ATP11C: variants seen among roughly 807,000 people sequenced by gnomAD.
The protein encoded by ATP11C is phospholipid-transporting ATPase IG.
In ATP11C, 36 loss-of-function variants were observed where a neutral mutation model predicts 97.4. The observed-to-expected ratio is 0.37, with a 90% CI of 0.28 to 0.49. ATP11C has a LOEUF of 0.49. Ranked by LOEUF, ATP11C falls within the 20% of genes least tolerant of loss-of-function variation. The probability of loss-of-function intolerance (pLI) is 0.98; values close to 1 mark genes in which losing one functional copy is unlikely to be tolerated. For missense variants in ATP11C, 730 were observed against 824.6 expected, an observed-to-expected ratio of 0.89 and a Z score of 1.40; for synonymous variants, 275 against 290.9, an observed-to-expected ratio of 0.95 and a Z score of 0.56.
intron 7 of ATP11C, 85 bp from the exon 8 acceptor site, chrX:139,800,195 AAAT>A: frequency 1.4e-6 from 1 of 692,110 alleles, no homozygotes; most frequent in Non-Finnish European, 2.3e-6. Flanking sequence ...ATGAAAATAC[AAAT>A]AATAAAACAG....
chrX:139,892,736 C>T (rs898250232), intron 1 of ATP11C, among the ~76,000 whole-genome samples: 5 of 111,641 alleles, frequency 4.5e-5, no homozygotes, highest in African/African-American at 1.6e-4. Context: ...ATGATACTAG[C>T]AAACATGCTG....
intron 1 of ATP11C, among the ~76,000 whole-genome samples, chrX:139,831,111 C>G (rs2083639285): frequency 9.0e-6 from 1 of 111,695 alleles, no homozygotes; most frequent in Non-Finnish European, 1.9e-5. Flanking sequence ...TAAAATTGCA[C>G]TTTTCAGATT....
intron 18 of ATP11C, among the ~76,000 whole-genome samples, chrX:139,781,608 C>G (rs2082459394): frequency 9.0e-6 from 1 of 111,289 alleles, no homozygotes; most frequent in African/African-American, 3.3e-5. Flanking sequence ...AGCTAGCTAC[C>G]CCGGTGGCTG....
At chrX:139,742,493 A>T (rs1202999906) in intron 26 of ATP11C, among the ~76,000 whole-genome samples, 1 of 111,848 alleles carries the variant, frequency 8.9e-6, no homozygotes, top group Non-Finnish European at 1.9e-5. Context: ...AAAAATTTAG[A>T]GGGAAAGGTA....
At chrX:139,861,494 G>A (rs954737729) in intron 1 of ATP11C, among the ~76,000 whole-genome samples, 8 of 111,009 alleles carry the variant, frequency 7.2e-5, no homozygotes, top group Non-Finnish European at 1.5e-4. Context: ...GACTTACCAG[G>A]TGGAGTTCAA....
intron 28 of ATP11C, among the ~76,000 whole-genome samples, chrX:139,735,119 T>G (rs753654609): frequency 8.0e-5 from 9 of 111,948 alleles, no homozygotes; most frequent in Non-Finnish European, 1.1e-4. Context: ...CACATCTGAT[T>G]CATCCCTGAA....
intron 1 of ATP11C, among the ~76,000 whole-genome samples, chrX:139,869,085 G>A (rs778669465): frequency 1.1e-3 from 119 of 112,268 alleles, no homozygotes; most frequent in Non-Finnish European, 1.8e-3. Context: ...ATTAAACATA[G>A]AATTACCATA....
intron 2 of ATP11C, among the ~76,000 whole-genome samples, chrX:139,822,169 T>C (rs1192711113): frequency 8.9e-6 from 1 of 112,286 alleles, no homozygotes; most frequent in Non-Finnish European, 1.9e-5. Flanking sequence ...TGTTACAAGT[T>C]AGTTCTTGCT....
intron 23 of ATP11C, among the ~76,000 whole-genome samples, chrX:139,752,391 A>G (rs2081839376): frequency 2.7e-5 from 3 of 111,913 alleles, no homozygotes; most frequent in Admixed American, 1.9e-4. Context: ...TAGGCAATCA[A>G]GAAATAGTTG....
chrX:139,890,972 A>G (rs2084718657), intron 1 of ATP11C, among the ~76,000 whole-genome samples: 1 of 111,217 alleles, frequency 9.0e-6, no homozygotes. Context: ...GTAGCCAGCA[A>G]ACTTCATTAA....
At position 139,726,952 on chromosome X, in the gene ATP11C, C is replaced by T. The variant is rs1342545203; in HGVS notation, c.*2014G>A. ...CCAGGTCCCTCTCAAGGATCTAGGC[C>T]ATGATATCATGTATCATTGCCATTC... On this transcript the variant is annotated 3_prime_UTR_variant, in exon 30 of 30. Coordinates refer to ENST00000682941, the MANE Select transcript of ATP11C (RefSeq NM_001353812.2). 9.0e-6 allele frequency: 1 copy of T among 111,464 alleles called. No individual in the cohort carries two copies. Among genetic ancestry groups the T allele is most frequent in the Non-Finnish European group, 1.9e-5 (1 of 53,003 alleles). The allele number at this position is 111,464 out of a possible 1,213,427, so 9.2% of individuals were successfully genotyped here. A position where few individuals can be genotyped will look rare whatever the true frequency, so the allele number is the denominator to read the frequency against.
chrX:139,936,644 C>A (rs1005983106), upstream of ATP11C, among the ~76,000 whole-genome samples: 1 of 111,402 alleles, frequency 9.0e-6, no homozygotes, highest in African/African-American at 3.3e-5. Context: ...CCTTTCAGTT[C>A]TGTTGCACCA....
At position 139,789,409 on chromosome X, in the gene ATP11C, T is replaced by C. The variant is rs754118102; in HGVS notation, c.1286A>G (p.His429Arg). The C allele has an allele frequency of 1.7e-6, 2 of 1,205,708 alleles. No individual in the cohort carries two copies. The highest frequency in any genetic ancestry group is 2.2e-6 in the Non-Finnish European group (2 of 890,697). Reference sequence around the variant, plus strand: ...CTCTTGAGTTACACCTTTATATTTGTGGCCATCTATGCAGCATTCAATGAA... The same window carrying C: ...CTCTTGAGTTACACCTTTATATTTGCGGCCATCTATGCAGCATTCAATGAA... ...MEFIECCIDG[H>R]KYKGVTQEVD... is the part of the protein sequence containing the mutation. Residue 429 changes from histidine (H) to arginine (R), a missense_variant, in exon 13 of 30, where the codon CAC becomes CGC. Physicochemically the swap from His to Arg is conservative, Grantham distance 29. Transcript: ENST00000682941.
At chrX:139,848,153 A>G (rs1444941735) in intron 1 of ATP11C, among the ~76,000 whole-genome samples, 1 of 111,689 alleles carries the variant, frequency 9.0e-6, no homozygotes, top group Non-Finnish European at 1.9e-5. Context: ...TGTCATCACT[A>G]TCAAACACCG....
intron 10 of ATP11C, among the ~76,000 whole-genome samples, chrX:139,798,008 G>C (rs1252136853): frequency 6.3e-5 from 7 of 111,779 alleles, no homozygotes; most frequent in Non-Finnish European, 1.3e-4. Context: ...TGTGAGCTTA[G>C]GTAAGTCACA....
chrX:139,899,726 A>C (rs1443325996), intron 1 of ATP11C, among the ~76,000 whole-genome samples: 1 of 111,545 alleles, frequency 9.0e-6, no homozygotes, highest in African/African-American at 3.3e-5. Flanking sequence ...AATGATTCTA[A>C]AATAAAAATT....
intron 1 of ATP11C, among the ~76,000 whole-genome samples, chrX:139,848,405 T>C (rs1171878787): frequency 9.0e-6 from 1 of 111,307 alleles, no homozygotes; most frequent in African/African-American, 3.3e-5. Context: ...ACATATTACT[T>C]CATCCCTGAC....
chrX:139,848,183 C>G (rs1375677572), intron 1 of ATP11C, among the ~76,000 whole-genome samples: 3 of 111,632 alleles, frequency 2.7e-5, no homozygotes, highest in Non-Finnish European at 5.6e-5. Context: ...CACTTATTGC[C>G]CATTGGCTGA....
At chrX:139,876,303 A>G (rs1226789379) in intron 1 of ATP11C, among the ~76,000 whole-genome samples, 1 of 112,293 alleles carries the variant, frequency 8.9e-6, no homozygotes, top group Non-Finnish European at 1.9e-5. Flanking sequence ...TTATTATATA[A>G]CTGATCCTAG....
Sources: gnomAD v4.1 joint callset for allele counts (sites outside exome capture counted in the v4.1 genomes callset) on GRCh38, gnomAD v4.1.1 for gene constraint, MANE v1.5 for transcripts, NCBI Gene and HGNC (gene_info 2026-07-23, HGNC 2026-07-21) for gene names.